The following SRL variants were observed in gnomAD, a reference collection of about 807,000 sequenced individuals.
The protein encoded by SRL is sarcalumenin.
A neutral mutation model predicts 39.5 loss-of-function variants in SRL; 23 were observed. The observed-to-expected ratio is 0.58, with a 90% confidence interval of 0.42 to 0.82. SRL has a LOEUF of 0.82. Among genes scored for constraint, SRL ranks in the 40% least tolerant of loss-of-function variants. SRL has a pLI of 0.00. For synonymous variants in SRL, 272 were observed against 237.4 expected (o/e 1.15, Z -1.34); for missense variants, 592 against 607.8 (o/e 0.97, Z 0.27).
At chr16:4,205,830 C>T (rs1194655302) in intron 1 of SRL, among the ~76,000 whole-genome samples, 1 of 151,860 alleles carries the variant, frequency 6.6e-6, no homozygotes, top group East Asian at 1.9e-4. Context: ...CCCAGCTACT[C>T]AGGAGGCTGA....
intron 1 of SRL, among the ~76,000 whole-genome samples, chr16:4,212,859 C>G (rs556939817): frequency 2.0e-4 from 30 of 152,284 alleles, no homozygotes; most frequent in African/African-American, 7.2e-4. Flanking sequence ...AGGGCAGGCC[C>G]AGGCTCAGTC....
At chr16:4,200,242 A>G (rs1394838331) in intron 3 of SRL, among the ~76,000 whole-genome samples, 1 of 152,208 alleles carries the variant, frequency 6.6e-6, no homozygotes, top group Non-Finnish European at 1.5e-5. Flanking sequence ...AGGAAGGGAT[A>G]AGGAGGCTGA....
At chr16:4,214,439 C>T (rs2052430340) in intron 1 of SRL, among the ~76,000 whole-genome samples, 1 of 152,224 alleles carries the variant, frequency 6.6e-6, no homozygotes, top group East Asian at 1.9e-4. Flanking sequence ...GGGCAGGAAT[C>T]ACTCTCCAAA....
intron 1 of SRL, among the ~76,000 whole-genome samples, chr16:4,233,185 T>C (rs2052677454): frequency 6.6e-6 from 1 of 152,220 alleles, no homozygotes; most frequent in Non-Finnish European, 1.5e-5. Flanking sequence ...CCCCAACTCA[T>C]CAGGGTGGCC....
chr16:4,194,359 T>C (rs1052704540), intron 5 of SRL, among the ~76,000 whole-genome samples: 5 of 152,248 alleles, frequency 3.3e-5, no homozygotes, highest in African/African-American at 1.2e-4. Context: ...CTCTGGTTTC[T>C]GTCTTTCTCA....
chr16:4,204,441 C>CCTCCAAGATACAGCCCCGGCCTCT, intron 2 of SRL, 92 bp downstream of exon 2: 2 of 1,161,442 alleles, frequency 1.7e-6, no homozygotes, highest in Non-Finnish European at 2.6e-6. Flanking sequence ...ACAGCCCCGG[C>CCTCCAAGATACAGCCCCGGCCTCT]ACGCCCTGGC....
At position 4,192,608 on chromosome 16, in the gene SRL, C is replaced by A; in HGVS notation, c.967G>T (p.Glu323Ter). The A allele has an allele frequency of 6.2e-7, 1 of 1,614,144 alleles. No individual in the cohort carries two copies. Reference protein sequence around the residue: ...SLLEDLNQVIENRLENKIAFI... With the variant: ...SLLEDLNQVI ...GCAATCTTGTTCTCCAGTCTGTTCTCGATCACCTGATTCAGGTCTTCTAGG... is the reference window on the plus strand; with the variant it reads ...GCAATCTTGTTCTCCAGTCTGTTCTAGATCACCTGATTCAGGTCTTCTAGG... Residue 323 changes from glutamate (E) to a stop codon, truncating the protein, a stop_gained, in exon 6 of 6, where the codon GAG becomes TAG. Coordinates refer to ENST00000399609, the MANE Select transcript of SRL (RefSeq NM_001098814.2). LOFTEE classifies it high-confidence loss of function. This position sits in a 1 kb window ranked among gnomAD's most constrained non-coding sequence, Gnocchi z 4.0.
chr16:4,226,893 AGGATGGAT>A (rs2052596715), intron 1 of SRL, among the ~76,000 whole-genome samples: 1 of 149,552 alleles, frequency 6.7e-6, no homozygotes, highest in South Asian at 2.1e-4. Flanking sequence ...GATGAATGGA[AGGATGGAT>A]GAATGGATGA....
intron 1 of SRL, among the ~76,000 whole-genome samples, chr16:4,238,936 T>G (rs2052742986): frequency 6.6e-6 from 1 of 152,096 alleles, no homozygotes; most frequent in Non-Finnish European, 1.5e-5. Context: ...GTTACCTTCT[T>G]GAGGGATGTG....
chr16:4,237,615 C>T lies in SRL; in HGVS notation c.61+4392G>A, dbSNP rs186741463. ...GGCCCTTCACACTTCAGCCCCACCC[C>T]TGCCTTCCGAACACGTCCCGCCACC... On this transcript the variant is annotated intron_variant, in intron 1 of 5. Transcript: ENST00000399609. Among the ~76,000 whole-genome samples the T allele has an allele frequency of 4.0e-3, 610 of 152,184 alleles. 5 individuals carry two copies. The highest frequency in any genetic ancestry group is 0.014 in the African/African-American group (586 of 41,536).
chr16:4,198,382 C>T (rs2052177738), intron 3 of SRL, among the ~76,000 whole-genome samples: 1 of 152,198 alleles, frequency 6.6e-6, no homozygotes, highest in Admixed American at 6.5e-5. Flanking sequence ...TCCTCTCCTC[C>T]AGCCTGGGGC....
chr16:4,241,910 T>A (rs542513331), intron 1 of SRL, 97 bp downstream of exon 1: 7 of 1,356,974 alleles, frequency 5.2e-6, no homozygotes, highest in African/African-American at 2.9e-5. Flanking sequence ...GGGTTTGCCA[T>A]CAGCCCCGAC....
intron 1 of SRL, among the ~76,000 whole-genome samples, chr16:4,217,969 C>A (rs561792590): frequency 6.6e-6 from 1 of 152,130 alleles, no homozygotes; most frequent in Non-Finnish European, 1.5e-5. Context: ...GCAGCTCAGG[C>A]GAGGAGCTGC....
intron 1 of SRL, among the ~76,000 whole-genome samples, chr16:4,226,844 G>A (rs1050749721): frequency 6.6e-6 from 1 of 150,994 alleles, no homozygotes; most frequent in Admixed American, 6.6e-5. Flanking sequence ...TGGATGGATG[G>A]AGGGGTAGAT....
Position 4,190,607 on chromosome 16 carries a change from C to T in SRL, c.*1546G>A, listed in dbSNP as rs1254004849. The T allele has an allele frequency of 2.5e-6, 1 of 397,604 alleles. No individual in the cohort carries two copies. The highest frequency in any genetic ancestry group is 4.4e-6 in the Non-Finnish European group (1 of 225,990). The allele number at this position is 397,604 out of a possible 1,614,324, so 24.6% of individuals were successfully genotyped here. On this transcript the variant is annotated 3_prime_UTR_variant, in exon 6 of 6. Coordinates refer to ENST00000399609, the MANE Select transcript of SRL (RefSeq NM_001098814.2). ...CAAGACTGTTACAAGTTCTCTACTC[C>T]CTAGAGTCTATGTGATCTCCCTAAT...
chr16:4,196,092 C>G (rs1379443162), intron 4 of SRL, among the ~76,000 whole-genome samples: 1 of 152,040 alleles, frequency 6.6e-6, no homozygotes, highest in Admixed American at 6.6e-5. Flanking sequence ...TCCCGAGTAG[C>G]TGAGATTACA....
intron 2 of SRL, 127 bp downstream of exon 2, chr16:4,204,406 T>TA (rs61398546): frequency 1.7e-6 from 1 of 585,606 alleles, no homozygotes; most frequent in Admixed American, 3.2e-5. Context: ...GCCTCCAAGA[T>TA]AGATACAGCC....
intron 3 of SRL, among the ~76,000 whole-genome samples, chr16:4,202,542 G>A (rs1167688874): frequency 2.6e-5 from 4 of 151,212 alleles, no homozygotes; most frequent in African/African-American, 4.9e-5. Context: ...GCAGTGAGCC[G>A]AGATTGCGCC....
chr16:4,227,346 C>G (rs1209650264), intron 1 of SRL, among the ~76,000 whole-genome samples: 1 of 147,042 alleles, frequency 6.8e-6, no homozygotes, highest in East Asian at 2.1e-4. Context: ...GATGGACAGA[C>G]AGATGGGTGA....
Sources: allele counts gnomAD v4.1 joint callset (sites outside exome capture counted in the v4.1 genomes callset), GRCh38; gene constraint gnomAD v4.1.1; non-coding constraint Gnocchi (gnomAD v3.1); transcripts MANE v1.5; gene names NCBI Gene and HGNC (gene_info 2026-07-23, HGNC 2026-07-21).